Variants in PNPLA7 observed in about 807,000 individuals in gnomAD.
The protein encoded by PNPLA7 is patatin like domain 7, lysophospholipase, also known as patatin-like phospholipase domain-containing protein 7.
In PNPLA7, 153 loss-of-function variants were observed where a neutral mutation model predicts 161.7. The observed-to-expected ratio is 0.95, with a 90% CI of 0.83 to 1.08. The LOEUF (loss-of-function observed/expected upper bound fraction) is 1.08. Among genes scored for constraint, PNPLA7 ranks in the 50% least tolerant of loss-of-function variants. The pLI, the probability that PNPLA7 is intolerant of heterozygous loss-of-function variation, is 0.00. For missense variants in PNPLA7, 1,739 were observed against 1,856.6 expected, an observed-to-expected ratio of 0.94 and a Z score of 1.16; for synonymous variants, 809 against 782.1, an observed-to-expected ratio of 1.03 and a Z score of -0.57.
At chr9:137,545,452 C>G (rs555426849) in intron 4 of PNPLA7, among the ~76,000 whole-genome samples, 109 of 152,302 alleles carry the variant, frequency 7.2e-4, no homozygotes, top group African/African-American at 2.6e-3. Flanking sequence ...AGTGATGTTC[C>G]TAGAAAGCAG....
At chr9:137,484,868 C>G in intron 20 of PNPLA7, 132 bp from the exon 21 acceptor site, 1 of 1,136,330 alleles carries the variant, frequency 8.8e-7, no homozygotes, top group East Asian at 2.6e-5. Context: ...CTCCCGCCTC[C>G]CCAGTCCTGA....
intron 11 of PNPLA7, among the ~76,000 whole-genome samples, chr9:137,518,885 T>C (rs1289894133): frequency 2.1e-4 from 18 of 86,834 alleles, no homozygotes; most frequent in African/African-American, 8.0e-4. Context: ...CACTCCATCC[T>C]CACTCACTCA....
chr9:137,506,434 C>T (rs1330371119), intron 12 of PNPLA7, among the ~76,000 whole-genome samples: 2 of 152,208 alleles, frequency 1.3e-5, no homozygotes, highest in African/African-American at 2.4e-5. Flanking sequence ...CCTGACGGCT[C>T]GCTGCGGCCA....
chr9:137,532,740 G>T (rs1375356055), intron 8 of PNPLA7, among the ~76,000 whole-genome samples: 2 of 152,152 alleles, frequency 1.3e-5, no homozygotes. Context: ...AGAGGGGCAG[G>T]CTAACCCCAA....
Position 137,547,717 on chromosome 9 carries a change from T to C in PNPLA7, c.31-58A>G. On this transcript the variant is annotated intron_variant, in intron 1 of 34. Coordinates refer to ENST00000406427, the MANE Select transcript of PNPLA7 (RefSeq NM_001098537.3). The surrounding 1 kb of genome is among the most constrained non-coding windows in gnomAD (Gnocchi z 4.6). ...GGACAGGCTTCCCAGCCCGAACTTG[T>C]TCAGAGCAGCAGGAGGAGAGCTGGG... The C allele has an allele frequency of 1.3e-6, 2 of 1,521,526 alleles. No individual in the cohort carries two copies. The highest frequency in any genetic ancestry group is 1.8e-6 in the Non-Finnish European group (2 of 1,097,100). The allele number at this position is 1,521,526 out of a possible 1,614,324, so 94.3% of individuals were successfully genotyped here.
chr9:137,484,218 G>A (rs972494819), intron 21 of PNPLA7, among the ~76,000 whole-genome samples: 1 of 152,058 alleles, frequency 6.6e-6, no homozygotes, highest in African/African-American at 2.4e-5. Context: ...GCGCCCGACC[G>A]CATTCATTAT....
chr9:137,472,610 C>T (rs1411305995), intron 25 of PNPLA7, among the ~76,000 whole-genome samples: 5 of 141,652 alleles, frequency 3.5e-5, no homozygotes, highest in Admixed American at 1.5e-4. Context: ...GAGATTGCAC[C>T]GTTGCACTCC....
intron 8 of PNPLA7, among the ~76,000 whole-genome samples, chr9:137,528,384 G>C (rs1835405834): frequency 6.6e-6 from 1 of 152,196 alleles, no homozygotes; most frequent in Non-Finnish European, 1.5e-5. Context: ...CCAGGCTGGA[G>C]TGCCATGGCA....
Position 137,464,198 on chromosome 9 carries a change from G to A in PNPLA7, c.3157-3C>T. On this transcript the variant is annotated splice_region_variant and splice_polypyrimidine_tract_variant and intron_variant, in intron 27 of 34. Coordinates refer to ENST00000406427, the MANE Select transcript of PNPLA7 (RefSeq NM_001098537.3). ...GCGAAATAAGGAATCCACAGGTCCT[G>A]CGGGCGGACGGGGCTCAGATGGGCC... 6.2e-7 allele frequency: 1 copy of A among 1,613,806 alleles called. No homozygotes were observed. The highest frequency in any genetic ancestry group is 8.5e-7 in the Non-Finnish European group (1 of 1,179,996).
intron 14 of PNPLA7, among the ~76,000 whole-genome samples, chr9:137,502,721 C>CGGGGGCGG (rs1326317923): frequency 8.2e-5 from 1 of 12,142 alleles, no homozygotes; most frequent in Non-Finnish European, 1.5e-4. Flanking sequence ...GCGGGGGACG[C>CGGGGGCGG]GGGGGACGGG....
At chr9:137,488,155 G>A (rs760225939) in intron 20 of PNPLA7, among the ~76,000 whole-genome samples, 2 of 152,138 alleles carry the variant, frequency 1.3e-5, no homozygotes, top group African/African-American at 2.4e-5. Flanking sequence ...CTGATGTCTC[G>A]TCCCGAGCTT....
chr9:137,550,091 C>G lies in PNPLA7; in HGVS notation c.30+77G>C, dbSNP rs1301146823. On this transcript the variant is annotated intron_variant, in intron 1 of 34. Coordinates refer to ENST00000406427, the MANE Select transcript of PNPLA7 (RefSeq NM_001098537.3). The stretch of plus-strand genomic sequence containing the variant: ...GCCAAAGAGCGCGGCAGAGCAGACG[C>G]CAAGAGGACCCTTCTCTGGGTCCAG... 9 of 1,577,918 alleles carry G rather than the reference C, an allele frequency of 5.7e-6. No homozygotes were observed. In the East Asian group the frequency reaches 2.0e-4, roughly 35 times the overall value.
At chr9:137,464,675 C>G (rs1188478694) in intron 26 of PNPLA7, 1 of 576,608 alleles carries the variant, frequency 1.7e-6, no homozygotes, top group Admixed American at 3.0e-5. Context: ...ACAGCCCACC[C>G]TCGGTCCCTT....
chr9:137,481,742 G>T (rs886641617), intron 21 of PNPLA7, among the ~76,000 whole-genome samples: 1 of 152,166 alleles, frequency 6.6e-6, no homozygotes, highest in Non-Finnish European at 1.5e-5. Flanking sequence ...GGATCACGAG[G>T]TCAGGAGATC....
intron 4 of PNPLA7, 85 bp downstream of exon 4, chr9:137,546,745 G>T: frequency 7.7e-7 from 1 of 1,293,348 alleles, no homozygotes; most frequent in Non-Finnish European, 1.1e-6. Context: ...GCCCAGCCTG[G>T]GGGAGCCCAC....
In PNPLA7 at chr9:137,500,615, G is replaced by A; in HGVS notation, c.1757+76C>T. 3 of 1,385,734 alleles carry A rather than the reference G, an allele frequency of 2.2e-6. No individual in the cohort carries two copies. Among genetic ancestry groups the A allele is most frequent in the Non-Finnish European group, 3.0e-6 (3 of 998,768 alleles). The allele number at this position is 1,385,734 out of a possible 1,614,324, so 85.8% of individuals were successfully genotyped here. A position where few individuals can be genotyped will look rare whatever the true frequency, so the allele number is the denominator to read the frequency against. The stretch of plus-strand genomic sequence containing the variant: ...GAAGAGGGTGAGAGCACCAGGAAGA[G>A]GCCGGCCACGCGGGGAGGGGTCTCA... On this transcript the variant is annotated intron_variant, in intron 16 of 34. Transcript: ENST00000406427. This position sits in a 1 kb window ranked among gnomAD's most constrained non-coding sequence, Gnocchi z 5.5.
intron 23 of PNPLA7, chr9:137,479,455 G>A (rs1013335544): frequency 4.8e-6 from 6 of 1,244,624 alleles, no homozygotes; most frequent in East Asian, 6.3e-5. Context: ...AGGTCAGTAC[G>A]GCAGGAGGGG....
rs758823328 is a variant in PNPLA7 at position 137,500,922 on chromosome 9, C to T, written c.1552-26G>A. On this transcript the variant is annotated intron_variant, in intron 15 of 34. Transcript: ENST00000406427. This position sits in a 1 kb window ranked among gnomAD's most constrained non-coding sequence, Gnocchi z 5.5. ...CTGACACACGAGAGGGCTCAGGAGG[C>T]GCCGCGAGTGGCCGCGGGCAGGACG... The T allele has an allele frequency of 4.3e-5, 67 of 1,541,398 alleles. No homozygotes were observed. The highest frequency in any genetic ancestry group is 1.7e-4 in the Middle Eastern group (1 of 5,978).
At position 137,517,955 on chromosome 9, in the gene PNPLA7, C is replaced by T. The variant is rs111207803; in HGVS notation, c.1084+1962G>A. On this transcript the variant is annotated intron_variant, in intron 11 of 34. Coordinates refer to ENST00000406427, the MANE Select transcript of PNPLA7 (RefSeq NM_001098537.3). ...TCTGTCCACTCCATCCCCACTCACT[C>T]ACTCCACTCTGCTCACTCCATCCCC... Among the ~76,000 whole-genome samples, 344 of 82,896 alleles carry T rather than the reference C, an allele frequency of 4.1e-3. 26 individuals are homozygous for T. The highest frequency in any genetic ancestry group is 0.023 in the African/African-American group (302 of 13,314). The allele number at this position is 82,896 out of a possible 152,430, so 54.4% of individuals were successfully genotyped here.
Sources: gnomAD v4.1 joint callset for allele counts (sites outside exome capture counted in the v4.1 genomes callset) on GRCh38, gnomAD v4.1.1 for gene constraint, Gnocchi (gnomAD v3.1) non-coding constraint, MANE v1.5 for transcripts, NCBI Gene and HGNC (gene_info 2026-07-23, HGNC 2026-07-21) for gene names.